IGDCC4: variants seen among roughly 807,000 people sequenced by gnomAD.
IGDCC4 encodes the protein likely ortholog of mouse neighbor of Punc E11.
IGDCC4 carries 72 observed loss-of-function variants against 116.6 expected under a neutral mutation model. The ratio of observed to expected loss-of-function variants is 0.62; its 90% CI spans 0.51 to 0.75. The LOEUF is 0.75. Ranked by LOEUF, IGDCC4 falls within the 30% of genes least tolerant of loss-of-function variation. The pLI is 0.00. For missense variants in IGDCC4, 1,501 were observed against 1,662.4 expected (o/e 0.90, Z 1.69); for synonymous variants, 709 against 719.9 (o/e 0.98, Z 0.24).
At position 65,421,866 on chromosome 15, in the gene IGDCC4, C is replaced by G. The variant is rs1037867013; in HGVS notation, c.70+927G>C. ...AAGCGACAGAGCTGTGGGTGGAAGCCGCAGCCCTAGACACACACCCTTGGG... is the reference window on the plus strand; with the variant it reads ...AAGCGACAGAGCTGTGGGTGGAAGCGGCAGCCCTAGACACACACCCTTGGG... On this transcript the variant is annotated intron_variant, in intron 1 of 19. Transcript: ENST00000352385. Among the ~76,000 whole-genome samples, 2 of 152,028 alleles carry G rather than the reference C, an allele frequency of 1.3e-5. 1 individual carries two copies. The highest frequency in any genetic ancestry group is 4.8e-5 in the African/African-American group (2 of 41,378).
chr15:65,391,920 T>A lies in IGDCC4; in HGVS notation c.2184A>T (p.Ala728=). 1 of 1,613,942 alleles carries A rather than the reference T, an allele frequency of 6.2e-7. No individual in the cohort carries two copies. Residue 728 remains alanine (A), a synonymous_variant, in exon 12 of 20, where the codon GCA becomes GCT. Transcript: ENST00000352385. The part of the protein sequence containing the change: ...VAFNKHEDGY[A]AVWKGKTEKA... ...TCTCCGTCTTGCCCTTCCACACTGC[T>A]GCATAGCCATCCTCATGTTTGTTGA... is the stretch of plus-strand genomic sequence containing the variant.
Position 65,396,123 on chromosome 15 carries a change from C to G in IGDCC4, c.1038G>C (p.Arg346=). The G allele has an allele frequency of 6.9e-7, 1 of 1,457,042 alleles. No individual in the cohort carries two copies. The highest frequency in any genetic ancestry group is 2.8e-5 in the East Asian group (1 of 35,254). 90.3% of individuals were successfully genotyped at this position (1,457,042 alleles called of 1,614,324 possible). A position where few individuals can be genotyped will look rare whatever the true frequency, so the allele number is the denominator to read the frequency against. Residue 346 remains arginine (R), a synonymous_variant, in exon 7 of 20, where the codon CGG becomes CGC. Coordinates refer to ENST00000352385, the MANE Select transcript of IGDCC4 (RefSeq NM_020962.3). ...CGAAGCGCGCTGTGCTCGCCCGCGT[C>G]CGCGACAGCGCCTCGGGCGCCTGAG... is the stretch of plus-strand genomic sequence containing the variant. ...AITQAPEALS[R]TRASTARFVC...
chr15:65,394,365 G>C, intron 9 of IGDCC4, 46 bp downstream of exon 9: 1 of 1,608,906 alleles, frequency 6.2e-7, no homozygotes, highest in Non-Finnish European at 8.5e-7. Context: ...AGCTCTTCAC[G>C]TTGATCATTC....
At chr15:65,405,206 A>G (rs1176134482) in intron 3 of IGDCC4, among the ~76,000 whole-genome samples, 1 of 151,830 alleles carries the variant, frequency 6.6e-6, no homozygotes, top group Non-Finnish European at 1.5e-5. Flanking sequence ...ATATTAGGAT[A>G]TACATAGAAA....
chr15:65,411,553 C>T (rs1325995405), intron 1 of IGDCC4, among the ~76,000 whole-genome samples, 183 bp from the exon 2 acceptor site: 1 of 152,214 alleles, frequency 6.6e-6, no homozygotes, highest in Non-Finnish European at 1.5e-5. Context: ...TGCCTGTCTT[C>T]CCCTGCTGCT....
intron 5 of IGDCC4, among the ~76,000 whole-genome samples, chr15:65,398,557 G>GA (rs2062950262): frequency 8.7e-6 from 1 of 114,872 alleles, no homozygotes; most frequent in African/African-American, 3.5e-5. Flanking sequence ...AAAAAAAAAA[G>GA]AAAGAAAAGA....
chr15:65,411,478 C>A, intron 1 of IGDCC4, 108 bp from the exon 2 acceptor site: 1 of 876,222 alleles, frequency 1.1e-6, no homozygotes, highest in Non-Finnish European at 1.7e-6. Context: ...GGAGAAACAC[C>A]TGCATCTGGA....
At chr15:65,417,545 T>C (rs2140242483) in intron 1 of IGDCC4, among the ~76,000 whole-genome samples, 1 of 152,322 alleles carries the variant, frequency 6.6e-6, no homozygotes, top group South Asian at 2.1e-4. Flanking sequence ...ACACCTCTCC[T>C]TTTTCTGCCC....
At chr15:65,419,239 T>C (rs929271440) in intron 1 of IGDCC4, among the ~76,000 whole-genome samples, 4 of 151,114 alleles carry the variant, frequency 2.6e-5, no homozygotes, top group Non-Finnish European at 5.9e-5. Flanking sequence ...TTTTTTTTTT[T>C]TTTAATTTTT....
chr15:65,393,378 A>G lies in IGDCC4; in HGVS notation c.1868T>C (p.Met623Thr). Reference protein sequence around the residue: ...SQWMHHRTPSMHNQSHVPFAP... With the variant: ...SQWMHHRTPSTHNQSHVPFAP... ...CCCCGTACCATGGCTCTGGTTGTGC[A>G]TACTGGGCGTCCTGTGATGCATCCA... The change falls in exon 10 of 20, where the codon ATG (methionine) becomes ACG (threonine). Residue 623 changes from methionine to threonine, a missense_variant. Met to Thr is a moderately conservative substitution (Grantham distance 81). Coordinates refer to ENST00000352385, the MANE Select transcript of IGDCC4 (RefSeq NM_020962.3). This position sits in a 1 kb window ranked among gnomAD's most constrained non-coding sequence, Gnocchi z 4.6. 17 of 1,612,354 alleles carry G rather than the reference A, an allele frequency of 1.1e-5. No homozygotes were observed. Among genetic ancestry groups the G allele is most frequent in the Non-Finnish European group, 1.4e-5 (17 of 1,179,142 alleles).
chr15:65,407,609 C>G (rs1404579869), intron 3 of IGDCC4, among the ~76,000 whole-genome samples: 1 of 152,008 alleles, frequency 6.6e-6, no homozygotes, highest in Non-Finnish European at 1.5e-5. Flanking sequence ...CCCCAAAGTG[C>G]TGGGATTACA....
At chr15:65,416,182 G>A (rs2063141950) in intron 1 of IGDCC4, among the ~76,000 whole-genome samples, 1 of 117,280 alleles carries the variant, frequency 8.5e-6, no homozygotes, top group Non-Finnish European at 1.6e-5. Context: ...CTGTCACCCA[G>A]GCTGGAGTGT....
chr15:65,393,421 A>T lies in IGDCC4; in HGVS notation c.1825T>A (p.Phe609Ile). The T allele has an allele frequency of 6.2e-7, 1 of 1,613,700 alleles. No individual in the cohort carries two copies. Among genetic ancestry groups the T allele is most frequent in the Non-Finnish European group, 8.5e-7 (1 of 1,179,836 alleles). Residue 609 changes from phenylalanine (F) to isoleucine (I), a missense_variant, in exon 10 of 20, where the codon TTC becomes ATC. By Grantham distance (21) the Phe-to-Ile change is conservative. Around this residue, in one of 3 missense-constraint regions of IGDCC4, gnomAD observed 898 missense variants for 978.9 expected, o/e 0.92. Transcript: ENST00000352385. This position sits in a 1 kb window ranked among gnomAD's most constrained non-coding sequence, Gnocchi z 4.6. The stretch of plus-strand genomic sequence containing the variant: ...TGCATCCACTGGGAGGGGGCCCCGA[A>T]GCCGGCTGCTGTACCAGCCGAAATC... The part of the protein sequence containing the change: ...VRISAGTAAG[F>I]GAPSQWMHHR...
At chr15:65,404,951 C>T (rs1030322746) in intron 3 of IGDCC4, among the ~76,000 whole-genome samples, 1 of 152,074 alleles carries the variant, frequency 6.6e-6, no homozygotes, top group African/African-American at 2.4e-5. Context: ...ATTCAGGAGG[C>T]TGAAGTGGGG....
chr15:65,403,313 G>A (rs761274223), intron 3 of IGDCC4, among the ~76,000 whole-genome samples: 1 of 152,206 alleles, frequency 6.6e-6, no homozygotes, highest in African/African-American at 2.4e-5. Context: ...GGACATGTAG[G>A]CTTCTGTGCT....
At chr15:65,413,776 G>A (rs992419205) in intron 1 of IGDCC4, among the ~76,000 whole-genome samples, 3 of 152,182 alleles carry the variant, frequency 2.0e-5, no homozygotes, top group African/African-American at 4.8e-5. Context: ...GGCAGGTCTG[G>A]GCTGACAGAG....
At chr15:65,400,252 G>A (rs1271414364) in intron 5 of IGDCC4, among the ~76,000 whole-genome samples, 2 of 152,258 alleles carry the variant, frequency 1.3e-5, no homozygotes, top group Non-Finnish European at 2.9e-5. Flanking sequence ...CTTCATAGAT[G>A]TGTGTTTTCT....
intron 1 of IGDCC4, among the ~76,000 whole-genome samples, chr15:65,421,887 T>C (rs897465296): frequency 6.6e-6 from 1 of 151,740 alleles, no homozygotes; most frequent in Non-Finnish European, 1.5e-5. Flanking sequence ...ACACACACCC[T>C]TGGGGACTTC....
At position 65,395,928 on chromosome 15, in the gene IGDCC4, C is replaced by T; in HGVS notation, c.1233G>A (p.Ala411=). The T allele has an allele frequency of 6.3e-7, 1 of 1,591,836 alleles. No homozygotes were observed. The highest frequency in any genetic ancestry group is 8.5e-7 in the Non-Finnish European group (1 of 1,176,178). ...GYYQCVAENS[A]GMACAAASLA... ...GCGACGCGGCAGCGCACGCCATTCC[C>T]GCGCTGTTCTCAGCCACGCACTGGT... Residue 411 remains alanine (A), a synonymous_variant, in exon 7 of 20, where the codon GCG becomes GCA. Transcript: ENST00000352385.
Sources: allele counts gnomAD v4.1 joint callset (sites outside exome capture counted in the v4.1 genomes callset), GRCh38; gene constraint gnomAD v4.1.1; regional missense constraint gnomAD v4.1.1; non-coding constraint Gnocchi (gnomAD v3.1); transcripts MANE v1.5; gene names NCBI Gene and HGNC (gene_info 2026-07-23, HGNC 2026-07-21).